Variants in FAT4 observed in about 807,000 individuals in gnomAD.
FAT4 encodes protocadherin Fat 4.
FAT4 carries 84 observed loss-of-function variants against 303.9 expected under a neutral mutation model. The observed-to-expected ratio is 0.28, with a 90% CI of 0.23 to 0.33. The LOEUF (loss-of-function observed/expected upper bound fraction) is 0.33, where lower values mean the gene tolerates loss of function less well. Among genes scored for constraint, FAT4 ranks in the 10% least tolerant of loss-of-function variants. The pLI, the probability that FAT4 is intolerant of heterozygous loss-of-function variation, is 1.00. For missense variants in FAT4, 6,005 were observed against 6,146.8 expected, an observed-to-expected ratio of 0.98 and a Z score of 0.77; for synonymous variants, 2,307 against 2,298.8, an observed-to-expected ratio of 1.00 and a Z score of -0.10.
At position 125,455,842 on chromosome 4, in the gene FAT4, G is replaced by A. The variant is rs541661211; in HGVS notation, c.11800+3032G>A. ...TATTGTCTGAGACTGATCAGAAATC[G>A]GAACTACTCTCAGACTTTGAGGCAG... On this transcript the variant is annotated intron_variant, in intron 10 of 17. Transcript: ENST00000394329. Among the ~76,000 whole-genome samples, 7 of 152,254 alleles carry A rather than the reference G, an allele frequency of 4.6e-5. No homozygotes were observed. The East Asian group carries it at 5.8e-4, about 13-fold the overall frequency.
intron 2 of FAT4, among the ~76,000 whole-genome samples, chr4:125,385,749 A>C (rs1733724312): frequency 6.6e-6 from 1 of 152,084 alleles, no homozygotes; most frequent in Admixed American, 6.6e-5. Context: ...AAGTGTACAG[A>C]TGTTTTATCT....
intron 2 of FAT4, among the ~76,000 whole-genome samples, chr4:125,322,692 G>A (rs1731002572): frequency 6.6e-6 from 1 of 151,232 alleles, no homozygotes; most frequent in Non-Finnish European, 1.5e-5. Flanking sequence ...GGGGGGAGGA[G>A]GTGGGGATTT....
chr4:125,366,799 G>A (rs1319362066), intron 2 of FAT4, among the ~76,000 whole-genome samples: 1 of 151,860 alleles, frequency 6.6e-6, no homozygotes, highest in Non-Finnish European at 1.5e-5. Context: ...CATTCTGCTT[G>A]TATGAGATGG....
At chr4:125,339,741 C>T (rs915597913) in intron 2 of FAT4, among the ~76,000 whole-genome samples, 11 of 152,098 alleles carry the variant, frequency 7.2e-5, no homozygotes, top group African/African-American at 2.4e-4. Context: ...TTGGATCATA[C>T]AATTAGGAAG....
At chr4:125,371,902 C>G (rs144010907) in intron 2 of FAT4, among the ~76,000 whole-genome samples, 1 of 152,066 alleles carries the variant, frequency 6.6e-6, no homozygotes, top group African/African-American at 2.4e-5. Context: ...TGTTCAACTG[C>G]TCTATTCCAT....
rs772977699 is a variant in FAT4 at position 125,415,499 on chromosome 4, C to T, written c.6536C>T (p.Ala2179Val). Reference protein sequence around the residue: ...TGTDIIQVFAADGDEGTNGQV... With the variant: ...TGTDIIQVFAVDGDEGTNGQV... ...ACAGATATAATACAAGTGTTCGCAG[C>T]AGATGGAGATGAAGGCACAAATGGA... The change falls in exon 6 of 18, where the codon GCA (alanine) becomes GTA (valine). Residue 2179 changes from alanine to valine, a missense_variant. Transcript: ENST00000394329. 1 of 1,614,062 alleles carries T rather than the reference C, an allele frequency of 6.2e-7. No individual in the cohort carries two copies. Among genetic ancestry groups the T allele is most frequent in the Non-Finnish European group, 8.5e-7 (1 of 1,179,976 alleles).
intron 5 of FAT4, 88 bp downstream of exon 5, chr4:125,408,882 CA>C: frequency 1.5e-6 from 1 of 678,416 alleles, no homozygotes; most frequent in Non-Finnish European, 2.3e-6. Context: ...TGAGCTGTCA[CA>C]AAAATGCATT....
chr4:125,407,273 T>G, intron 4 of FAT4, 132 bp downstream of exon 4: 1 of 796,530 alleles, frequency 1.3e-6, no homozygotes, highest in South Asian at 2.1e-5. Flanking sequence ...ATATATATGC[T>G]GGATTGTTGG....
At chr4:125,333,889 G>A (rs1731476353) in intron 2 of FAT4, among the ~76,000 whole-genome samples, 1 of 152,086 alleles carries the variant, frequency 6.6e-6, no homozygotes, top group African/African-American at 2.4e-5. Context: ...TCCTCTGGTG[G>A]AGTCACTAAT....
rs553055506 is a variant in FAT4, at chr4:125,315,268, C to T, written c.-722C>T. ...GGAGGGCGTCACTACAGCCCAGCGCCGACTTCGCCGCCTCCGCTGCCAACT... is the reference window on the plus strand; with the variant it reads ...GGAGGGCGTCACTACAGCCCAGCGCTGACTTCGCCGCCTCCGCTGCCAACT... On this transcript the variant is annotated 5_prime_UTR_variant, in exon 1 of 18. Coordinates refer to ENST00000394329, the MANE Select transcript of FAT4 (RefSeq NM_001291303.3). 6.6e-6 allele frequency among the ~76,000 whole-genome samples: 1 copy of T among 152,104 alleles called. No individual in the cohort carries two copies. Among genetic ancestry groups the T allele is most frequent in the Non-Finnish European group, 1.5e-5 (1 of 68,012 alleles).
chr4:125,375,063 C>T (rs1733261287), intron 2 of FAT4, among the ~76,000 whole-genome samples: 1 of 152,116 alleles, frequency 6.6e-6, no homozygotes, highest in African/African-American at 2.4e-5. Context: ...AATTAACACT[C>T]TGGAGTTTTT....
In FAT4 at chr4:125,487,453, A is replaced by G; in HGVS notation, c.12931A>G (p.Ile4311Val). 2 of 1,614,138 alleles carry G rather than the reference A, an allele frequency of 1.2e-6. No individual in the cohort carries two copies. The highest frequency in any genetic ancestry group is 1.7e-6 in the Non-Finnish European group (2 of 1,179,978). ...AGACGGCCACTGGCACACTTTTCTAATTGGGAAAAATGGAACAGCAACAGT... is the reference window on the plus strand; with the variant it reads ...AGACGGCCACTGGCACACTTTTCTAGTTGGGAAAAATGGAACAGCAACAGT... ...VADGHWHTFL[I>V]GKNGTATVLS... The change falls in exon 17 of 18, where the codon ATT becomes GTT. Residue 4311 changes from isoleucine to valine, a missense_variant. By Grantham distance (29) the Ile-to-Val change is conservative. Transcript: ENST00000394329.
intron 10 of FAT4, among the ~76,000 whole-genome samples, chr4:125,460,767 G>C (rs1456726194): frequency 6.6e-6 from 1 of 152,016 alleles, no homozygotes; most frequent in Non-Finnish European, 1.5e-5. Flanking sequence ...TGTCTGTATG[G>C]TAAAATGATT....
chr4:125,446,440 C>T lies in FAT4; in HGVS notation c.7347C>T (p.Ser2449=). The part of the protein sequence containing the change: ...CSDAGSPEPL[S]SSTSVLVTVT... ...ATGCGGGATCCCCAGAGCCTCTTTC[C>T]AGTTCCACCAGTGTGCTTGTCACTG... The change falls in exon 9 of 18, where the codon TCC becomes TCT. Residue 2449 remains serine (S), a synonymous_variant. Transcript: ENST00000394329. 2 of 1,613,546 alleles carry T rather than the reference C, an allele frequency of 1.2e-6. No homozygotes were observed. Among genetic ancestry groups the T allele is most frequent in the Admixed American group, 1.7e-5 (1 of 59,978 alleles).
intron 16 of FAT4, among the ~76,000 whole-genome samples, chr4:125,484,679 A>C (rs1451385236): frequency 6.6e-6 from 1 of 152,154 alleles, no homozygotes; most frequent in African/African-American, 2.4e-5. Context: ...ACAACCTACT[A>C]TACACCTAGG....
rs1235067236 is a variant in FAT4 at position 125,315,469 on chromosome 4, G to A, written c.-521G>A. 6.6e-6 allele frequency among the ~76,000 whole-genome samples: 1 copy of A among 152,194 alleles called. No individual in the cohort carries two copies. Among genetic ancestry groups the A allele is most frequent in the Admixed American group, 6.5e-5 (1 of 15,284 alleles). ...AACGACCCCCCCTGGCATGGTGAGG[G>A]GAGGGCGACTCGGGGACCGCACGCT... On this transcript the variant is annotated 5_prime_UTR_variant, in exon 1 of 18. Transcript: ENST00000394329.
intron 7 of FAT4, among the ~76,000 whole-genome samples, chr4:125,418,237 T>C (rs1735149274): frequency 6.6e-6 from 1 of 152,198 alleles, no homozygotes; most frequent in Non-Finnish European, 1.5e-5. Flanking sequence ...TTTGAGAGTT[T>C]AATTCTTTAT....
chr4:125,405,307 A>C, intron 3 of FAT4, among the ~76,000 whole-genome samples: 1 of 152,116 alleles, frequency 6.6e-6, no homozygotes, highest in East Asian at 1.9e-4. Flanking sequence ...GAGGACCTCC[A>C]TACTGTTTTT....
rs1726888533 is a variant in FAT4, at chr4:125,472,187, A to G, written c.12213+3368A>G. Among the ~76,000 whole-genome samples, 6 of 152,166 alleles carry G rather than the reference A, an allele frequency of 3.9e-5. No individual in the cohort carries two copies. The South Asian group carries it at 1.2e-3, about 32-fold the overall frequency. On this transcript the variant is annotated intron_variant, in intron 12 of 17. Transcript: ENST00000394329. ...AAAGAAAGCCTAGCCAAAACAACAAAATAAGTGCCCTTAAATCATTTTAAA... is the reference window on the plus strand; with the variant it reads ...AAAGAAAGCCTAGCCAAAACAACAAGATAAGTGCCCTTAAATCATTTTAAA...
Sources: gnomAD v4.1 joint callset for allele counts (sites outside exome capture counted in the v4.1 genomes callset) on GRCh38, gnomAD v4.1.1 for gene constraint, MANE v1.5 for transcripts, NCBI Gene and HGNC (gene_info 2026-07-23, HGNC 2026-07-21) for gene names.